MITF: variants seen among roughly 807,000 people sequenced by gnomAD.
The protein encoded by MITF is microphthalmia-associated transcription factor.
MITF carries 17 observed loss-of-function variants against 60.5 expected under a neutral mutation model. That is an observed-to-expected ratio of 0.28 (90% CI 0.19 to 0.42). The LOEUF is 0.42. Among genes scored for constraint, MITF ranks in the 10% least tolerant of loss-of-function variants. The probability of loss-of-function intolerance (pLI) is 1.00; values close to 1 mark genes in which losing one functional copy is unlikely to be tolerated. For synonymous variants in MITF, 260 were observed against 248.5 expected, an observed-to-expected ratio of 1.05 and a Z score of -0.43; for missense variants, 622 against 683.5, an observed-to-expected ratio of 0.91 and a Z score of 1.00.
chr3:69,750,758 T>C (rs895198563), intron 1 of MITF, among the ~76,000 whole-genome samples: 2 of 152,114 alleles, frequency 1.3e-5, no homozygotes, highest in African/African-American at 4.8e-5. Context: ...AATCACACTT[T>C]GAAAAAATCA....
At chr3:69,897,126 T>C (rs2064893354) in intron 2 of MITF, among the ~76,000 whole-genome samples, 2 of 152,182 alleles carry the variant, frequency 1.3e-5, no homozygotes, top group South Asian at 4.1e-4. Flanking sequence ...TTGGGTCTGA[T>C]GCAGTCAGGA....
chr3:69,957,477 A>C (rs1194731039), intron 8 of MITF, among the ~76,000 whole-genome samples: 1 of 152,220 alleles, frequency 6.6e-6, no homozygotes, highest in Non-Finnish European at 1.5e-5. Context: ...TGAATGTACA[A>C]GCACAATTCC....
intron 1 of MITF, among the ~76,000 whole-genome samples, chr3:69,833,766 A>G (rs527506631): frequency 6.6e-6 from 1 of 152,022 alleles, no homozygotes. Context: ...TGGTTTTTCT[A>G]TGTACACTGT....
intron 2 of MITF, among the ~76,000 whole-genome samples, chr3:69,926,836 C>G (rs1179469327): frequency 6.6e-6 from 1 of 152,224 alleles, no homozygotes; most frequent in Non-Finnish European, 1.5e-5. Context: ...TCCTCTCCAT[C>G]TGATCAAACA....
chr3:69,838,644 T>G (rs1215648047), intron 1 of MITF: 1 of 152,634 alleles, frequency 6.6e-6, no homozygotes, highest in African/African-American at 2.4e-5. Flanking sequence ...TAAGTCTGAT[T>G]TTGCTTTTCT....
intron 1 of MITF, among the ~76,000 whole-genome samples, chr3:69,745,268 G>C (rs1175016419): frequency 6.6e-6 from 1 of 152,144 alleles, no homozygotes; most frequent in Non-Finnish European, 1.5e-5. Context: ...TGATGCTTCT[G>C]TAGCTACATG....
chr3:69,899,608 T>G (rs1182273136), intron 2 of MITF, among the ~76,000 whole-genome samples: 1 of 152,110 alleles, frequency 6.6e-6, no homozygotes, highest in Admixed American at 6.5e-5. Flanking sequence ...CTCTTCTGAG[T>G]GTGGAGTCAT....
At chr3:69,779,826 C>A (rs1215383008) in intron 1 of MITF, among the ~76,000 whole-genome samples, 1 of 152,102 alleles carries the variant, frequency 6.6e-6, no homozygotes, top group East Asian at 1.9e-4. Flanking sequence ...TAGTATAATT[C>A]ACAACCGGTA....
chr3:69,831,204 G>A (rs1229953524), intron 1 of MITF, among the ~76,000 whole-genome samples: 1 of 152,156 alleles, frequency 6.6e-6, no homozygotes, highest in Non-Finnish European at 1.5e-5. Context: ...GGCACATGAT[G>A]GGCACGGAGT....
rs2064196581 is a variant in MITF, at chr3:69,870,152, A to T, written c.105-8982A>T. ...TAGTCAGTTGTATTTGAATTAATAA[A>T]AAAAACAGGCAAAAAAAAAAAAGCC... On this transcript the variant is annotated intron_variant, in intron 1 of 9. Transcript: ENST00000352241. Among the ~76,000 whole-genome samples the T allele has an allele frequency of 2.0e-5, 3 of 150,684 alleles. No individual in the cohort carries two copies. In the South Asian group the frequency reaches 6.3e-4, roughly 31 times the overall value.
chr3:69,846,950 A>G lies in MITF; in HGVS notation c.105-32184A>G, dbSNP rs2063743366. 4.6e-5 allele frequency among the ~76,000 whole-genome samples: 7 copies of G among 152,158 alleles called. No homozygotes were observed. The South Asian group carries it at 1.4e-3, about 32-fold the overall frequency. ...AATGTGTCCAAGGAATTTCTCTTTAATGATAATTCCATATTTTCTGCACTT... is the reference window on the plus strand; with the variant it reads ...AATGTGTCCAAGGAATTTCTCTTTAGTGATAATTCCATATTTTCTGCACTT... On this transcript the variant is annotated intron_variant, in intron 1 of 9. Coordinates refer to ENST00000352241, the MANE Select transcript of MITF (RefSeq NM_001354604.2).
intron 2 of MITF, among the ~76,000 whole-genome samples, chr3:69,896,184 G>A (rs2064872919): frequency 6.6e-6 from 1 of 152,108 alleles, no homozygotes; most frequent in African/African-American, 2.4e-5. Context: ...AATCCTTTTG[G>A]TTCATTTCCC....
chr3:69,898,284 G>A (rs1038427900), intron 2 of MITF, among the ~76,000 whole-genome samples: 3 of 152,262 alleles, frequency 2.0e-5, no homozygotes, highest in African/African-American at 4.8e-5. Flanking sequence ...CACTGCATGT[G>A]CAAAGGACCT....
In MITF at chr3:69,739,612, G is replaced by T; in HGVS notation, c.15G>T (p.Ser5=). Residue 5 remains serine, a synonymous_variant, in exon 1 of 10, where the codon TCG becomes TCT. Transcript: ENST00000352241. MQSE[S]GIVPDFEVGE... ...AAGCGGGAGCCATGCAGTCCGAATC[G>T]GGGATCGTGCCGGATTTCGAAGTCG... 6 of 1,577,760 alleles carry T rather than the reference G, an allele frequency of 3.8e-6. No individual in the cohort carries two copies. The highest frequency in any genetic ancestry group is 5.2e-6 in the Non-Finnish European group (6 of 1,159,898).
chr3:69,945,441 T>C (rs2066071723), intron 5 of MITF, among the ~76,000 whole-genome samples: 1 of 152,202 alleles, frequency 6.6e-6, no homozygotes, highest in African/African-American at 2.4e-5. Context: ...AAGAAGTCTC[T>C]TCCTTTTTCT....
intron 1 of MITF, among the ~76,000 whole-genome samples, chr3:69,854,779 G>A (rs1034343191): frequency 2.0e-5 from 3 of 152,194 alleles, no homozygotes. Context: ...CTAGATGCCA[G>A]TAGCACTTGT....
At chr3:69,839,279 T>C (rs1355981859) in intron 1 of MITF, among the ~76,000 whole-genome samples, 1 of 152,070 alleles carries the variant, frequency 6.6e-6, no homozygotes, top group East Asian at 1.9e-4. Flanking sequence ...ATGAGCTTTG[T>C]AGTGATCTCT....
intron 1 of MITF, among the ~76,000 whole-genome samples, chr3:69,841,992 T>C (rs1253464119): frequency 6.6e-6 from 1 of 152,248 alleles, no homozygotes; most frequent in Admixed American, 6.5e-5. Context: ...ATGACATATG[T>C]TAAGCTTTAC....
chr3:69,959,235 A>T (rs371773400), intron 8 of MITF, 38 bp from the exon 9 acceptor site: 71 of 1,612,228 alleles, frequency 4.4e-5, no homozygotes, highest in Non-Finnish European at 6.0e-5. Context: ...TGAGCCTCAA[A>T]TCCTAAAAAT....
Sources: gnomAD v4.1 joint callset for allele counts (sites outside exome capture counted in the v4.1 genomes callset) on GRCh38, gnomAD v4.1.1 for gene constraint, MANE v1.5 for transcripts, NCBI Gene and HGNC (gene_info 2026-07-23, HGNC 2026-07-21) for gene names.